The following DPP6 variants were observed in gnomAD, a reference collection of about 807,000 sequenced individuals.
DPP6 encodes A-type potassium channel modulatory protein DPP6.
Under a neutral mutation model 122.6 loss-of-function variants are expected in DPP6, and 69 were observed. That is an observed-to-expected ratio of 0.56 (90% CI 0.46 to 0.69). The LOEUF is 0.69. DPP6 is among the 30% of genes least tolerant of loss of function. The probability of loss-of-function intolerance (pLI) is 0.00; values close to 1 mark genes in which losing one functional copy is unlikely to be tolerated. For missense variants in DPP6, 928 were observed against 1,116.9 expected, an observed-to-expected ratio of 0.83 and a Z score of 2.41; for synonymous variants, 418 against 433.1, an observed-to-expected ratio of 0.97 and a Z score of 0.43.
chr7:154,253,956 G>A (rs1802504485), intron 1 of DPP6, among the ~76,000 whole-genome samples: 2 of 152,186 alleles, frequency 1.3e-5, no homozygotes, highest in Non-Finnish European at 2.9e-5. Context: ...CGCAAAGCAG[G>A]AGGTGCTGCA....
Position 154,082,846 on chromosome 7 carries a change from C to CTTTCTTTTTT in DPP6, c.243+29786_243+29787insCTTTTTTTTT, listed in dbSNP as rs1260484862. On this transcript the variant is annotated intron_variant, in intron 1 of 25. Transcript: ENST00000377770. Reference sequence around the variant, plus strand: ...CTGTGTGTGCCTATCTTTTCTTTTTCTTTTTTTTTTTTTTTTTTTTGAGAT... The same window carrying CTTTCTTTTTT: ...CTGTGTGTGCCTATCTTTTCTTTTTCTTTCTTTTTTTTTTTTTTTTTTTTTTTTTTGAGAT... Among the ~76,000 whole-genome samples, 61 of 106,246 alleles carry CTTTCTTTTTT rather than the reference C, an allele frequency of 5.7e-4. 1 individual carries two copies. The highest frequency in any genetic ancestry group is 6.5e-4 in the Admixed American group (7 of 10,752). The allele number at this position is 106,246 out of a possible 152,430, so 69.7% of individuals were successfully genotyped here. A position where few individuals can be genotyped will look rare whatever the true frequency, so the allele number is the denominator to read the frequency against.
At chr7:154,742,879 A>C (rs1842877894) in intron 8 of DPP6, among the ~76,000 whole-genome samples, 1 of 152,228 alleles carries the variant, frequency 6.6e-6, no homozygotes, top group African/African-American at 2.4e-5. Flanking sequence ...ACTTACGGGC[A>C]AAGGGCAGAC....
At chr7:154,641,701 A>G (rs759835878) in intron 6 of DPP6, among the ~76,000 whole-genome samples, 5 of 152,242 alleles carry the variant, frequency 3.3e-5, no homozygotes, top group Non-Finnish European at 5.9e-5. Flanking sequence ...ATGTAGTCTC[A>G]TATCCAATAG....
intron 16 of DPP6, among the ~76,000 whole-genome samples, chr7:154,836,999 A>AC (rs1801101433): frequency 6.6e-6 from 1 of 152,192 alleles, no homozygotes; most frequent in Non-Finnish European, 1.5e-5. Context: ...GAGCCACTGC[A>AC]CCCAGCCTGA....
the DPP6 span, among the ~76,000 whole-genome samples, chr7:153,753,450 C>T: frequency 6.6e-6 from 1 of 151,724 alleles, no homozygotes; most frequent in African/African-American, 2.4e-5. Context: ...CTTTTTCCAG[C>T]TTGTAAGATT....
intron 8 of DPP6, among the ~76,000 whole-genome samples, chr7:154,750,867 G>A (rs894429196): frequency 6.6e-6 from 1 of 152,192 alleles, no homozygotes; most frequent in African/African-American, 2.4e-5. Context: ...GGAGGCTGCA[G>A]GTGTAAGGAG....
intron 13 of DPP6, among the ~76,000 whole-genome samples, chr7:154,802,944 C>A (rs1474392048): frequency 6.6e-6 from 1 of 152,218 alleles, no homozygotes; most frequent in Non-Finnish European, 1.5e-5. Flanking sequence ...ATCAAACATT[C>A]CAGCAGGAAG....
rs1362252192 is a variant in DPP6, at chr7:154,821,645, T to TATATATAC, written c.1666+14534_1666+14535insTATATACA. ...TTTTTTCTGTATATATATATATATA[T>TATATATAC]ACACATATATATATATATACACATA... On this transcript the variant is annotated intron_variant, in intron 16 of 25. Coordinates refer to ENST00000377770, the MANE Select transcript of DPP6 (RefSeq NM_130797.4). This position sits in a 1 kb window ranked among gnomAD's most constrained non-coding sequence, Gnocchi z 4.2. 0.067 allele frequency among the ~76,000 whole-genome samples: 7,767 copies of TATATATAC among 115,074 alleles called. 296 individuals are homozygous for TATATATAC. Among genetic ancestry groups the TATATATAC allele is most frequent in the African/African-American group, 0.11 (2,988 of 26,116 alleles). 75.5% of individuals were successfully genotyped at this position (115,074 alleles called of 152,430 possible).
At chr7:154,222,343 G>T (rs189206814) in intron 1 of DPP6, among the ~76,000 whole-genome samples, 1 of 152,272 alleles carries the variant, frequency 6.6e-6, no homozygotes, top group East Asian at 1.9e-4. Flanking sequence ...GGGCATAAAA[G>T]AAATGAGCAG....
chr7:153,944,676 T>TTTTG (rs1419102630), intron 1 of DPP6, among the ~76,000 whole-genome samples: 27 of 144,952 alleles, frequency 1.9e-4, no homozygotes, highest in African/African-American at 6.3e-4. Flanking sequence ...TTTTTTTTTT[T>TTTTG]TTTTTTTTTT....
intron 7 of DPP6, among the ~76,000 whole-genome samples, chr7:154,670,610 A>G (rs895437256): frequency 2.0e-5 from 3 of 152,216 alleles, no homozygotes; most frequent in African/African-American, 7.2e-5. Context: ...TGAAGGTCAG[A>G]TGACATGGTT....
intron 1 of DPP6, among the ~76,000 whole-genome samples, chr7:154,167,069 C>T (rs1797291594): frequency 6.6e-6 from 1 of 150,448 alleles, no homozygotes; most frequent in African/African-American, 2.5e-5. Context: ...TCCATGCACC[C>T]CCACAACTGT....
At chr7:154,270,967 A>C (rs140892009) in intron 1 of DPP6, among the ~76,000 whole-genome samples, 461 of 152,274 alleles carry the variant, frequency 3.0e-3, no homozygotes, top group Non-Finnish European at 4.4e-3. Context: ...TTCTAAAAGC[A>C]AGGTTGTTTA....
At chr7:153,869,538 A>C in the DPP6 span, among the ~76,000 whole-genome samples, 6 of 152,218 alleles carry the variant, frequency 3.9e-5, no homozygotes, top group African/African-American at 1.4e-4. Context: ...TTTGGAGCCT[A>C]TGTGTGTCTC....
intron 2 of DPP6, among the ~76,000 whole-genome samples, chr7:154,450,403 G>C (rs899051081): frequency 1.3e-5 from 2 of 152,204 alleles, no homozygotes; most frequent in African/African-American, 4.8e-5. Flanking sequence ...ACATTAAAAA[G>C]ATGAACTTTA....
intron 8 of DPP6, among the ~76,000 whole-genome samples, chr7:154,743,672 A>AG (rs143438984): frequency 6.6e-6 from 1 of 152,114 alleles, no homozygotes; most frequent in Non-Finnish European, 1.5e-5. Context: ...GTATATACGC[A>AG]GGGGATTGGT....
At chr7:153,969,120 A>G (rs1195652108) in intron 1 of DPP6, among the ~76,000 whole-genome samples, 1 of 151,040 alleles carries the variant, frequency 6.6e-6, no homozygotes, top group African/African-American at 2.5e-5. Context: ...GATATCTAAG[A>G]GTGGAATTCC....
At chr7:154,255,131 A>G (rs1802577140) in intron 1 of DPP6, among the ~76,000 whole-genome samples, 1 of 152,168 alleles carries the variant, frequency 6.6e-6, no homozygotes, top group Admixed American at 6.6e-5. Context: ...TAGGGCAGCT[A>G]GTCTATTCAG....
intron 6 of DPP6, among the ~76,000 whole-genome samples, chr7:154,652,313 C>CT (rs1022376226): frequency 6.6e-6 from 1 of 151,276 alleles, no homozygotes; most frequent in Non-Finnish European, 1.5e-5. Context: ...TAATTTATTA[C>CT]TTTTTTTCCC....
Sources: allele counts gnomAD v4.1 joint callset (sites outside exome capture counted in the v4.1 genomes callset), GRCh38; gene constraint gnomAD v4.1.1; non-coding constraint Gnocchi (gnomAD v3.1); transcripts MANE v1.5; gene names NCBI Gene and HGNC (gene_info 2026-07-23, HGNC 2026-07-21).